Variants in SGCZ observed in about 807,000 individuals in gnomAD.
SGCZ encodes the protein sarcoglycan zeta.
SGCZ carries 40 observed loss-of-function variants against 41.3 expected under a neutral mutation model. The ratio of observed to expected loss-of-function variants is 0.97; its 90% CI spans 0.75 to 1.26. SGCZ has a LOEUF of 1.26. Among genes scored for constraint, SGCZ ranks in the 50% most tolerant of loss-of-function variants. The probability of loss-of-function intolerance (pLI) is 0.00; values close to 1 mark genes in which losing one functional copy is unlikely to be tolerated. For missense variants in SGCZ, 552 were observed against 369.8 expected (o/e 1.49, Z -4.04); for synonymous variants, 206 against 137.5 (o/e 1.50, Z -3.49).
At chr8:14,295,381 G>A (rs962543896) in intron 3 of SGCZ, among the ~76,000 whole-genome samples, 5 of 151,992 alleles carry the variant, frequency 3.3e-5, no homozygotes, top group African/African-American at 4.8e-5. Context: ...TTCTGGACAC[G>A]GTGTTGTCAC....
chr8:14,693,193 A>C (rs995509270), intron 1 of SGCZ, among the ~76,000 whole-genome samples: 1 of 152,206 alleles, frequency 6.6e-6, no homozygotes, highest in African/African-American at 2.4e-5. Context: ...AGAATATATG[A>C]AATATTCATT....
intron 1 of SGCZ, among the ~76,000 whole-genome samples, chr8:15,111,676 C>T (rs1376084962): frequency 1.3e-5 from 2 of 152,168 alleles, no homozygotes; most frequent in South Asian, 2.1e-4. Flanking sequence ...CCGAGGTGGG[C>T]GGATCACGAG....
intron 2 of SGCZ, among the ~76,000 whole-genome samples, chr8:14,411,862 A>G (rs1431579604): frequency 6.6e-6 from 1 of 152,114 alleles, no homozygotes; most frequent in Non-Finnish European, 1.5e-5. Flanking sequence ...AAACATTTCT[A>G]TTTGATGGAA....
At chr8:14,988,875 G>A (rs1211100997) in intron 1 of SGCZ, among the ~76,000 whole-genome samples, 1 of 152,100 alleles carries the variant, frequency 6.6e-6, no homozygotes, top group African/African-American at 2.4e-5. Flanking sequence ...TGCCCCACTG[G>A]CCCTCTAACA....
At chr8:14,394,140 C>CT (rs112444671) in intron 2 of SGCZ, among the ~76,000 whole-genome samples, 1 of 143,638 alleles carries the variant, frequency 7.0e-6, no homozygotes. Context: ...TACCGCCCCC[C>CT]ACCTTTTTTT....
intron 1 of SGCZ, among the ~76,000 whole-genome samples, chr8:15,094,619 C>T (rs1806270148): frequency 6.6e-6 from 1 of 152,130 alleles, no homozygotes; most frequent in Non-Finnish European, 1.5e-5. Context: ...CTCTGGAGCC[C>T]AGTAAGCTAG....
At chr8:14,792,389 C>T (rs573332303) in intron 1 of SGCZ, among the ~76,000 whole-genome samples, 15 of 152,056 alleles carry the variant, frequency 9.9e-5, no homozygotes, top group Non-Finnish European at 1.9e-4. Flanking sequence ...TAGAAAAGAA[C>T]TGGGTGTATT....
chr8:14,323,980 G>C, intron 3 of SGCZ, 123 bp downstream of exon 3: 1 of 596,964 alleles, frequency 1.7e-6, no homozygotes, highest in Non-Finnish European at 2.9e-6. Context: ...TCTAAACATA[G>C]GTGTTTAGCT....
intron 4 of SGCZ, among the ~76,000 whole-genome samples, chr8:14,184,045 C>G (rs1205090252): frequency 6.6e-6 from 1 of 152,074 alleles, no homozygotes; most frequent in Non-Finnish European, 1.5e-5. Context: ...GTAAATGATG[C>G]TATGTGCATT....
At chr8:14,601,948 G>A (rs188147828) in intron 1 of SGCZ, among the ~76,000 whole-genome samples, 243 of 152,032 alleles carry the variant, frequency 1.6e-3, no homozygotes, top group African/African-American at 5.5e-3. Context: ...GTGAAACCCC[G>A]TCTCTACTGA....
intron 2 of SGCZ, among the ~76,000 whole-genome samples, chr8:14,430,731 A>T (rs113799647): frequency 5.0e-4 from 76 of 152,320 alleles, no homozygotes; most frequent in African/African-American, 1.8e-3. Context: ...AGGGCATCCA[A>T]ATCGGAAAAG....
intron 1 of SGCZ, among the ~76,000 whole-genome samples, chr8:14,638,431 C>T (rs114225955): frequency 0.11 from 16,677 of 151,768 alleles, 1,068 homozygotes; most frequent in African/African-American, 0.19. Context: ...AATAACATTT[C>T]CTTAAAATTA....
chr8:14,821,361 G>A (rs149584219), intron 1 of SGCZ, among the ~76,000 whole-genome samples: 306 of 152,094 alleles, frequency 2.0e-3, no homozygotes, highest in Non-Finnish European at 3.7e-3. Context: ...AGGAACATCT[G>A]TTGGTTTTAC....
intron 5 of SGCZ, among the ~76,000 whole-genome samples, chr8:14,121,194 C>T (rs143666833): frequency 6.6e-6 from 1 of 151,884 alleles, no homozygotes; most frequent in Non-Finnish European, 1.5e-5. Context: ...TTAGTATTAA[C>T]ATATATTCAA....
intron 1 of SGCZ, among the ~76,000 whole-genome samples, chr8:14,717,033 C>G (rs191891416): frequency 2.6e-5 from 4 of 151,944 alleles, no homozygotes; most frequent in African/African-American, 4.8e-5. Flanking sequence ...CACTGAGAAA[C>G]TACATTTTTG....
At chr8:14,222,913 G>A (rs1806251488) in intron 4 of SGCZ, among the ~76,000 whole-genome samples, 1 of 142,366 alleles carries the variant, frequency 7.0e-6, no homozygotes, top group East Asian at 2.3e-4. Context: ...CCGGGTTCAA[G>A]AGACTCTCCT....
rs1016149569 is a variant in SGCZ at position 14,467,550 on chromosome 8, G to A, written c.234+87182C>T. Among the ~76,000 whole-genome samples the A allele has an allele frequency of 7.9e-5, 12 of 152,184 alleles. No homozygotes were observed. The South Asian group carries it at 1.2e-3, about 16-fold the overall frequency. ...GTTGAGGGCTCTGAGATGGGTAGTTGCTACTGTGCTACGAGGAGCAATCGA... is the reference window on the plus strand; with the variant it reads ...GTTGAGGGCTCTGAGATGGGTAGTTACTACTGTGCTACGAGGAGCAATCGA... On this transcript the variant is annotated intron_variant, in intron 2 of 7. Transcript: ENST00000382080.
chr8:14,336,390 G>T (rs1053358652), intron 2 of SGCZ, among the ~76,000 whole-genome samples: 1 of 152,104 alleles, frequency 6.6e-6, no homozygotes, highest in Non-Finnish European at 1.5e-5. Flanking sequence ...GAATAGTGCT[G>T]CAGTGAACAT....
chr8:14,762,146 T>A (rs1051192371), intron 1 of SGCZ, among the ~76,000 whole-genome samples: 3 of 152,190 alleles, frequency 2.0e-5, no homozygotes, highest in Admixed American at 1.3e-4. Context: ...AGAGATTGCA[T>A]GAACATTTAT....
Sources: gnomAD v4.1 joint callset for allele counts (sites outside exome capture counted in the v4.1 genomes callset) on GRCh38, gnomAD v4.1.1 for gene constraint, MANE v1.5 for transcripts, NCBI Gene and HGNC (gene_info 2026-07-23, HGNC 2026-07-21) for gene names.